MRPS35: variants seen among roughly 807,000 people sequenced by gnomAD.
MRPS35 encodes the protein mitochondrial ribosomal protein S35.
Under a neutral mutation model 32.7 loss-of-function variants are expected in MRPS35, and 29 were observed. That is an observed-to-expected ratio of 0.89 (90% CI 0.66 to 1.21). The LOEUF is 1.21. Among genes scored for constraint, MRPS35 ranks in the 50% most tolerant of loss-of-function variants. The probability of loss-of-function intolerance (pLI) is 0.00; values close to 1 mark genes in which losing one functional copy is unlikely to be tolerated. For synonymous variants in MRPS35, 148 were observed against 139.3 expected (o/e 1.06, Z -0.44); for missense variants, 373 against 383.8 (o/e 0.97, Z 0.23).
At chr12:27,716,826 A>G (rs1389876019) in intron 3 of MRPS35, among the ~76,000 whole-genome samples, 1 of 152,090 alleles carries the variant, frequency 6.6e-6, no homozygotes, top group African/African-American at 2.4e-5. Context: ...CATCTCTACT[A>G]AAAACACACA....
At position 27,716,313 on chromosome 12, in the gene MRPS35, A is replaced by T; in HGVS notation, c.176A>T (p.Lys59Ile). 1 of 1,611,388 alleles carries T rather than the reference A, an allele frequency of 6.2e-7. No homozygotes were observed. The highest frequency in any genetic ancestry group is 8.5e-7 in the Non-Finnish European group (1 of 1,179,036). Residue 59 changes from lysine (K) to isoleucine (I), a missense_variant, in exon 3 of 8, where the codon AAA becomes ATA. Lys to Ile is a moderately radical substitution (Grantham distance 102). Coordinates refer to ENST00000081029, the MANE Select transcript of MRPS35 (RefSeq NM_021821.4). ...RRKALPPRTE[K>I]MAVDQDWPSV... is the part of the protein sequence containing the mutation. The stretch of plus-strand genomic sequence containing the variant: ...TAGGCACTACCTCCTAGGACAGAGA[A>T]AATGGCTGTTGACCAGGACTGGCCT...
At chr12:27,723,812 C>T (rs999087216) in intron 4 of MRPS35, among the ~76,000 whole-genome samples, 1 of 152,116 alleles carries the variant, frequency 6.6e-6, no homozygotes, top group African/African-American at 2.4e-5. Context: ...CTGAAAATAC[C>T]ATTACCACCA....
chr12:27,743,238 C>T (rs531582403), intron 7 of MRPS35, among the ~76,000 whole-genome samples: 1 of 152,016 alleles, frequency 6.6e-6, no homozygotes, highest in Admixed American at 6.6e-5. Flanking sequence ...TTAAAAATGG[C>T]AAATGTTGGC....
At chr12:27,719,219 A>G (rs1037381213) in intron 3 of MRPS35, among the ~76,000 whole-genome samples, 1 of 152,222 alleles carries the variant, frequency 6.6e-6, no homozygotes, top group Non-Finnish European at 1.5e-5. Context: ...TTTTTTCATC[A>G]TGATTGTCAT....
chr12:27,718,511 T>A (rs997319450), intron 3 of MRPS35, among the ~76,000 whole-genome samples: 1 of 152,228 alleles, frequency 6.6e-6, no homozygotes, highest in African/African-American at 2.4e-5. Context: ...CAAATGAGCC[T>A]TTAAGCTCTT....
At chr12:27,728,147 G>A (rs956987235) in intron 5 of MRPS35, among the ~76,000 whole-genome samples, 9 of 152,028 alleles carry the variant, frequency 5.9e-5, no homozygotes, top group African/African-American at 1.7e-4. Flanking sequence ...TTTGCATTCC[G>A]TTTGCATGTT....
In MRPS35 at chr12:27,730,862, T is replaced by C. The variant is rs546051879; in HGVS notation, c.523-4585T>C. On this transcript the variant is annotated intron_variant, in intron 5 of 7. Transcript: ENST00000081029. ...CCATAAAATTATACTTCCTCCCCTCTTACCCATACTCTACTCTTTAGAAGA... is the reference window on the plus strand; with the variant it reads ...CCATAAAATTATACTTCCTCCCCTCCTACCCATACTCTACTCTTTAGAAGA... Among the ~76,000 whole-genome samples the C allele has an allele frequency of 3.0e-4, 46 of 152,266 alleles. No individual in the cohort carries two copies. In the South Asian group the frequency reaches 9.5e-3, roughly 32 times the overall value.
intron 5 of MRPS35, among the ~76,000 whole-genome samples, chr12:27,732,221 C>T (rs2061924659): frequency 6.6e-6 from 1 of 152,208 alleles, no homozygotes; most frequent in South Asian, 2.1e-4. Context: ...TTACGTTATT[C>T]ACCTCAAGTT....
intron 5 of MRPS35, among the ~76,000 whole-genome samples, chr12:27,726,313 T>C (rs2061900383): frequency 6.6e-6 from 1 of 152,164 alleles, no homozygotes; most frequent in Admixed American, 6.5e-5. Context: ...TCATCTGTTG[T>C]AGCATGTATT....
intron 1 of MRPS35, among the ~76,000 whole-genome samples, chr12:27,712,632 A>G (rs535499446): frequency 3.3e-5 from 5 of 152,220 alleles, no homozygotes; most frequent in Non-Finnish European, 7.3e-5. Flanking sequence ...ACAAGTCTCA[A>G]AAAAATCCTG....
intron 3 of MRPS35, among the ~76,000 whole-genome samples, chr12:27,716,816 C>T (rs993495889): frequency 2.0e-5 from 3 of 152,038 alleles, no homozygotes; most frequent in African/African-American, 4.8e-5. Context: ...GGTGAAACCC[C>T]ATCTCTACTA....
chr12:27,739,883 C>T (rs539925466), intron 7 of MRPS35, among the ~76,000 whole-genome samples: 6 of 152,206 alleles, frequency 3.9e-5, no homozygotes, highest in Admixed American at 2.0e-4. Context: ...AGAATCCAAA[C>T]AGGGTTGCAT....
At chr12:27,738,514 GC>G (rs2061951308) in intron 7 of MRPS35, among the ~76,000 whole-genome samples, 1 of 152,158 alleles carries the variant, frequency 6.6e-6, no homozygotes, top group African/African-American at 2.4e-5. Context: ...GGAAGATTTT[GC>G]CATGCTTGAG....
At chr12:27,750,501 C>T (rs1006334591) in intron 7 of MRPS35, among the ~76,000 whole-genome samples, 2 of 152,152 alleles carry the variant, frequency 1.3e-5, no homozygotes, top group African/African-American at 4.8e-5. Context: ...TAAAGCTAGA[C>T]CATATAGAAA....
At chr12:27,724,465 AGGC>A (rs2061891555) in intron 5 of MRPS35, among the ~76,000 whole-genome samples, 4 of 151,754 alleles carry the variant, frequency 2.6e-5, no homozygotes, top group Middle Eastern at 3.4e-3. Flanking sequence ...ATTATACACC[AGGC>A]ATGGTGGCTC....
intron 1 of MRPS35, 98 bp downstream of exon 1, chr12:27,711,053 C>G (rs2061818521): frequency 8.9e-7 from 1 of 1,120,094 alleles, no homozygotes; most frequent in Non-Finnish European, 1.3e-6. Flanking sequence ...CAGCGCCGCC[C>G]GGGGGAGGCC....
intron 7 of MRPS35, among the ~76,000 whole-genome samples, chr12:27,746,646 G>T (rs950233741): frequency 6.6e-6 from 1 of 152,166 alleles, no homozygotes; most frequent in African/African-American, 2.4e-5. Context: ...TACACAGAAG[G>T]TGACAAGCTC....
intron 1 of MRPS35, among the ~76,000 whole-genome samples, chr12:27,713,634 G>C (rs1189694729): frequency 6.6e-6 from 1 of 152,130 alleles, no homozygotes; most frequent in Non-Finnish European, 1.5e-5. Flanking sequence ...TGTGCCCTCA[G>C]CTGATTGGAT....
chr12:27,755,553 C>A lies in MRPS35; in HGVS notation c.*103C>A. ...AAAATGTTAAAAAATCATTTTTTTT[C>A]CTCAGAGTTAAAATTATTTCCCTCA... On this transcript the variant is annotated 3_prime_UTR_variant, in exon 8 of 8. Transcript: ENST00000081029. 8.6e-7 allele frequency: 1 copy of A among 1,161,540 alleles called. No individual in the cohort carries two copies. The highest frequency in any genetic ancestry group is 1.2e-6 in the Non-Finnish European group (1 of 857,754). The allele number at this position is 1,161,540 out of a possible 1,614,324, so 72.0% of individuals were successfully genotyped here.
Sources: gnomAD v4.1 joint callset for allele counts (sites outside exome capture counted in the v4.1 genomes callset) on GRCh38, gnomAD v4.1.1 for gene constraint, MANE v1.5 for transcripts, NCBI Gene and HGNC (gene_info 2026-07-23, HGNC 2026-07-21) for gene names.